PEPD: variants seen among roughly 807,000 people sequenced by gnomAD.
PEPD encodes the protein xaa-Pro dipeptidase.
In PEPD, 53 loss-of-function variants were observed where a neutral mutation model predicts 60.7. The ratio of observed to expected loss-of-function variants is 0.87; its 90% CI spans 0.70 to 1.10. The LOEUF (loss-of-function observed/expected upper bound fraction) is 1.10, where lower values mean the gene tolerates loss of function less well. PEPD is among the 50% of genes least tolerant of loss of function. The probability of loss-of-function intolerance (pLI) is 0.00; values close to 1 mark genes in which losing one functional copy is unlikely to be tolerated. For missense variants in PEPD, 711 were observed against 711.9 expected, an observed-to-expected ratio of 1.00 and a Z score of 0.01; for synonymous variants, 267 against 284.1, an observed-to-expected ratio of 0.94 and a Z score of 0.60.
intron 12 of PEPD, among the ~76,000 whole-genome samples, chr19:33,394,582 C>T (rs893255912): frequency 2.6e-5 from 4 of 152,344 alleles, no homozygotes; most frequent in South Asian, 2.1e-4. Context: ...CGACACCCAC[C>T]GCCTGGGCGG....
Position 33,489,338 on chromosome 19 carries a change from G to C in PEPD, c.503+658C>G, listed in dbSNP as rs1483004720. 2.6e-5 allele frequency among the ~76,000 whole-genome samples: 4 copies of C among 152,124 alleles called. 1 individual carries two copies. Among genetic ancestry groups the C allele is most frequent in the Non-Finnish European group, 5.9e-5 (4 of 68,012 alleles). ...GGGGTTAATGGCTGGGACTAAGAGA[G>C]GGGGCTTGGGACAGGCACGGTGTCT... is the stretch of plus-strand genomic sequence containing the variant. On this transcript the variant is annotated intron_variant, in intron 6 of 14. Transcript: ENST00000244137.
chr19:33,430,032 G>C (rs936450376), intron 9 of PEPD, among the ~76,000 whole-genome samples: 1 of 152,208 alleles, frequency 6.6e-6, no homozygotes, highest in African/African-American at 2.4e-5. Flanking sequence ...TGTCCTGCAC[G>C]CTGGCTGAGA....
At chr19:33,492,281 C>A (rs559441527) in intron 5 of PEPD, among the ~76,000 whole-genome samples, 1 of 152,150 alleles carries the variant, frequency 6.6e-6, no homozygotes, top group Admixed American at 6.5e-5. Flanking sequence ...TCAGTCACTG[C>A]GCCCCACACC....
chr19:33,493,790 G>A (rs1361082824), intron 4 of PEPD, among the ~76,000 whole-genome samples: 1 of 152,038 alleles, frequency 6.6e-6, no homozygotes, highest in African/African-American at 2.4e-5. Context: ...AGACCCAAGG[G>A]AGTTGGCCTT....
At chr19:33,402,377 CG>C (rs2145348117) in intron 11 of PEPD, among the ~76,000 whole-genome samples, 1 of 152,182 alleles carries the variant, frequency 6.6e-6, no homozygotes, top group Non-Finnish European at 1.5e-5. Context: ...GCAGGGACCC[CG>C]GATGGGATGC....
intron 9 of PEPD, among the ~76,000 whole-genome samples, chr19:33,425,585 C>T (rs1969128631): frequency 6.6e-6 from 1 of 152,126 alleles, no homozygotes; most frequent in Non-Finnish European, 1.5e-5. Flanking sequence ...TTCCTTCATG[C>T]ACTAGGTATT....
intron 9 of PEPD, among the ~76,000 whole-genome samples, chr19:33,434,198 C>A (rs1434776188): frequency 6.6e-6 from 1 of 152,140 alleles, no homozygotes; most frequent in South Asian, 2.1e-4. Flanking sequence ...CTCGTTTTCA[C>A]TGCCCGACAG....
intron 5 of PEPD, among the ~76,000 whole-genome samples, chr19:33,492,937 C>T (rs1970528570): frequency 6.6e-6 from 1 of 152,130 alleles, no homozygotes; most frequent in South Asian, 2.1e-4. Flanking sequence ...AGCACAGTGG[C>T]GCGATCATAC....
At chr19:33,514,837 C>G (rs1016458567) in intron 1 of PEPD, among the ~76,000 whole-genome samples, 1 of 152,174 alleles carries the variant, frequency 6.6e-6, no homozygotes, top group South Asian at 2.1e-4. Context: ...CTTCTTTCCA[C>G]TGTCTTCCTC....
chr19:33,422,290 T>C (rs976336431), intron 9 of PEPD, among the ~76,000 whole-genome samples: 1 of 152,110 alleles, frequency 6.6e-6, no homozygotes, highest in Non-Finnish European at 1.5e-5. Context: ...CTCCCTCCCC[T>C]GTAACCCTCA....
intron 1 of PEPD, among the ~76,000 whole-genome samples, chr19:33,518,240 C>T (rs1971060836): frequency 6.6e-6 from 1 of 152,144 alleles, no homozygotes; most frequent in South Asian, 2.1e-4. Context: ...TACACAGAAA[C>T]CAAGAGACAG....
intron 12 of PEPD, among the ~76,000 whole-genome samples, 178 bp from the exon 13 acceptor site, chr19:33,391,657 C>T (rs528662016): frequency 1.4e-4 from 22 of 152,290 alleles, no homozygotes; most frequent in South Asian, 4.1e-4. Flanking sequence ...GGTGGCCCCC[C>T]GTGCTGGGCT....
At chr19:33,482,220 T>C (rs774757048) in intron 6 of PEPD, among the ~76,000 whole-genome samples, 2 of 152,016 alleles carry the variant, frequency 1.3e-5, no homozygotes, top group Admixed American at 6.6e-5. Context: ...CAGCAACATA[T>C]AAAAAGGATA....
intron 7 of PEPD, 109 bp downstream of exon 7, chr19:33,477,937 T>A: frequency 2.6e-6 from 2 of 779,612 alleles, no homozygotes; most frequent in Admixed American, 2.0e-5. Flanking sequence ...GTTCTGGGAA[T>A]CTGCTTTCTG....
intron 11 of PEPD, among the ~76,000 whole-genome samples, 187 bp downstream of exon 11, chr19:33,411,485 T>C (rs1337238800): frequency 2.6e-5 from 4 of 152,136 alleles, no homozygotes; most frequent in Non-Finnish European, 5.9e-5. Flanking sequence ...TGCAGGCTTT[T>C]GGCCCTGGAG....
intron 9 of PEPD, among the ~76,000 whole-genome samples, chr19:33,414,582 GC>G (rs1322160576): frequency 6.8e-6 from 1 of 147,124 alleles, no homozygotes; most frequent in African/African-American, 2.5e-5. Flanking sequence ...GGCCCAGGTG[GC>G]CCCCACCCGC....
intron 9 of PEPD, among the ~76,000 whole-genome samples, chr19:33,434,721 G>GC (rs1001102939): frequency 1.4e-4 from 21 of 152,266 alleles, no homozygotes; most frequent in African/African-American, 4.6e-4. Context: ...TGCCACCCAG[G>GC]GTGTCCAAAT....
intron 9 of PEPD, among the ~76,000 whole-genome samples, chr19:33,420,358 AT>A (rs34748522): frequency 0.029 from 4,377 of 151,968 alleles, 94 homozygotes; most frequent in Non-Finnish European, 0.04. Flanking sequence ...TCTTCCAGGC[AT>A]TTTTTTTAAA....
At chr19:33,497,584 C>A (rs1389412701) in intron 4 of PEPD, among the ~76,000 whole-genome samples, 1 of 152,182 alleles carries the variant, frequency 6.6e-6, no homozygotes, top group African/African-American at 2.4e-5. Flanking sequence ...CACTGGAGGC[C>A]TTCCTGCCTT....
Sources: gnomAD v4.1 joint callset for allele counts (sites outside exome capture counted in the v4.1 genomes callset) on GRCh38, gnomAD v4.1.1 for gene constraint, MANE v1.5 for transcripts, NCBI Gene and HGNC (gene_info 2026-07-23, HGNC 2026-07-21) for gene names.